ABCC4: variants seen among roughly 807,000 people sequenced by gnomAD.
ABCC4 encodes ATP-binding cassette sub-family C member 4.
In ABCC4, 102 loss-of-function variants were observed where a neutral mutation model predicts 168.5. The ratio of observed to expected loss-of-function variants is 0.61; its 90% CI spans 0.52 to 0.71. ABCC4 has a LOEUF of 0.71. Ranked by LOEUF, ABCC4 falls within the 30% of genes least tolerant of loss-of-function variation. ABCC4 has a pLI of 0.00. For synonymous variants in ABCC4, 617 were observed against 590.7 expected (o/e 1.04, Z -0.65); for missense variants, 1,402 against 1,605.8 (o/e 0.87, Z 2.17).
chr13:95,038,374 C>CAAA (rs74617293), intron 29 of ABCC4, among the ~76,000 whole-genome samples: 2,856 of 96,930 alleles, frequency 0.029, 189 homozygotes, highest in African/African-American at 0.11. Context: ...AGCCCATACT[C>CAAA]AAAAAAAAAA....
chr13:95,197,017 T>C (rs2038475544), intron 8 of ABCC4, among the ~76,000 whole-genome samples: 1 of 152,134 alleles, frequency 6.6e-6, no homozygotes, highest in South Asian at 2.1e-4. Flanking sequence ...AATCCCACCC[T>C]GTCTTTGAGG....
chr13:95,284,735 G>A (rs2041217467), intron 1 of ABCC4, among the ~76,000 whole-genome samples: 1 of 152,188 alleles, frequency 6.6e-6, no homozygotes, highest in South Asian at 2.1e-4. Flanking sequence ...CTATAATCAA[G>A]AGGTACATGA....
At chr13:95,119,000 G>A (rs2035472922) in intron 19 of ABCC4, among the ~76,000 whole-genome samples, 1 of 152,096 alleles carries the variant, frequency 6.6e-6, no homozygotes, top group South Asian at 2.1e-4. Context: ...ATAACACACA[G>A]GGTCCCATGT....
At chr13:95,117,735 C>A (rs1402197582) in intron 19 of ABCC4, among the ~76,000 whole-genome samples, 1 of 149,326 alleles carries the variant, frequency 6.7e-6, no homozygotes. Context: ...AGAAACATTG[C>A]AAGTATGGTT....
chr13:95,081,326 G>A (rs1194273504), intron 21 of ABCC4, among the ~76,000 whole-genome samples: 5 of 152,130 alleles, frequency 3.3e-5, no homozygotes, highest in Non-Finnish European at 2.9e-5. Context: ...ACGTCAAGAT[G>A]TTCCTTCTGG....
intron 19 of ABCC4, among the ~76,000 whole-genome samples, chr13:95,131,147 A>G (rs1330488186): frequency 6.6e-6 from 1 of 152,244 alleles, no homozygotes; most frequent in Admixed American, 6.5e-5. Context: ...TTCTTATGCC[A>G]AGCCTGTCAA....
intron 30 of ABCC4, among the ~76,000 whole-genome samples, chr13:95,025,259 ACACCCCCACACC>A (rs1566351172): frequency 1.3e-4 from 3 of 22,864 alleles, no homozygotes; most frequent in Non-Finnish European, 1.5e-4. Flanking sequence ...ACACACACAC[ACACCCCCACACC>A]CCCACACACA....
At chr13:95,170,479 A>G in intron 14 of ABCC4, 53 bp downstream of exon 14, 1 of 1,074,796 alleles carries the variant, frequency 9.3e-7, no homozygotes, top group Non-Finnish European at 1.4e-6. Flanking sequence ...GAAGAAGGGG[A>G]TTCAACACAC....
intron 27 of ABCC4, among the ~76,000 whole-genome samples, chr13:95,044,796 T>TA (rs1053105598): frequency 4.0e-5 from 6 of 150,400 alleles, no homozygotes; most frequent in Non-Finnish European, 7.4e-5. Context: ...TACAGAAAGA[T>TA]AAAAAAAATT....
At chr13:95,182,738 A>G (rs889470120) in intron 11 of ABCC4, among the ~76,000 whole-genome samples, 2 of 152,184 alleles carry the variant, frequency 1.3e-5, no homozygotes, top group Non-Finnish European at 2.9e-5. Flanking sequence ...GATTAGCTAA[A>G]ATCACACACC....
intron 13 of ABCC4, among the ~76,000 whole-genome samples, chr13:95,171,049 G>T (rs2037454659): frequency 6.9e-6 from 1 of 145,184 alleles, no homozygotes; most frequent in African/African-American, 2.6e-5. Flanking sequence ...ACATATCAAC[G>T]CCCCCCCTCC....
intron 19 of ABCC4, among the ~76,000 whole-genome samples, chr13:95,121,012 A>T (rs1232907110): frequency 6.6e-6 from 1 of 152,196 alleles, no homozygotes. Flanking sequence ...TGAGAACCAA[A>T]CAGGAGATCT....
At chr13:95,157,088 C>CCCCA (rs1491107650) in intron 19 of ABCC4, among the ~76,000 whole-genome samples, 1 of 134,618 alleles carries the variant, frequency 7.4e-6, no homozygotes, top group Non-Finnish European at 1.6e-5. Context: ...TGAGACTCTA[C>CCCCA]CACACACACA....
At chr13:95,157,131 A>ACACACACACAC (rs1350889658) in intron 19 of ABCC4, among the ~76,000 whole-genome samples, 27 of 82,770 alleles carry the variant, frequency 3.3e-4, no homozygotes, top group African/African-American at 1.8e-3. Context: ...CACACACACA[A>ACACACACACAC]ACAGTCACCA....
intron 19 of ABCC4, among the ~76,000 whole-genome samples, chr13:95,135,277 T>C (rs971795894): frequency 1.3e-5 from 2 of 152,186 alleles, no homozygotes; most frequent in Non-Finnish European, 2.9e-5. Context: ...AAGTGAATAA[T>C]GATATCAAAA....
chr13:95,115,826 G>A, intron 20 of ABCC4, 96 bp downstream of exon 20: 1 of 945,674 alleles, frequency 1.1e-6, no homozygotes, highest in Non-Finnish European at 1.7e-6. Context: ...CACACAGCCA[G>A]GCCGAGAGTC....
chr13:95,126,393 ACT>A (rs1383120900), intron 19 of ABCC4, among the ~76,000 whole-genome samples: 3 of 152,126 alleles, frequency 2.0e-5, no homozygotes, highest in East Asian at 1.9e-4. Flanking sequence ...AAATTCAATC[ACT>A]GAGATTACCT....
intron 20 of ABCC4, among the ~76,000 whole-genome samples, chr13:95,105,591 T>A (rs1332686669): frequency 6.6e-6 from 1 of 152,186 alleles, no homozygotes; most frequent in African/African-American, 2.4e-5. Context: ...CCATCCACAA[T>A]TCTCCCGAAA....
chr13:95,071,104 T>C (rs1226691308), intron 25 of ABCC4, among the ~76,000 whole-genome samples: 2 of 152,138 alleles, frequency 1.3e-5, no homozygotes, highest in Non-Finnish European at 2.9e-5. Flanking sequence ...CTGCCATCCA[T>C]ATAAGATGTG....
Sources: gnomAD v4.1 joint callset for allele counts (sites outside exome capture counted in the v4.1 genomes callset) on GRCh38, gnomAD v4.1.1 for gene constraint, MANE v1.5 for transcripts, NCBI Gene and HGNC (gene_info 2026-07-23, HGNC 2026-07-21) for gene names.